Variants in ME3 observed in about 807,000 individuals in gnomAD.
The protein encoded by ME3 is malic enzyme 3, also known as NADP-dependent malic enzyme, mitochondrial.
ME3 carries 48 observed loss-of-function variants against 68.9 expected under a neutral mutation model. That is an observed-to-expected ratio of 0.70 (90% CI 0.55 to 0.89). The LOEUF (loss-of-function observed/expected upper bound fraction) is 0.89. Ranked by LOEUF, ME3 falls within the 40% of genes least tolerant of loss-of-function variation. The pLI is 0.00. For missense variants in ME3, 675 were observed against 797.4 expected, an observed-to-expected ratio of 0.85 and a Z score of 1.85; for synonymous variants, 320 against 318.8, an observed-to-expected ratio of 1.00 and a Z score of -0.04.
chr11:86,509,627 G>A (rs1053565352), intron 4 of ME3, among the ~76,000 whole-genome samples: 4 of 152,112 alleles, frequency 2.6e-5, no homozygotes, highest in African/African-American at 9.7e-5. Context: ...TAGAGTTGGG[G>A]CTAGAAGAGA....
At chr11:86,618,251 G>A (rs1439088330) in intron 2 of ME3, among the ~76,000 whole-genome samples, 1 of 130,000 alleles carries the variant, frequency 7.7e-6, no homozygotes, top group Non-Finnish European at 1.6e-5. Flanking sequence ...AGTGAGCTGA[G>A]ATTGCGCCAC....
At chr11:86,558,152 CT>C (rs1957024786) in intron 3 of ME3, among the ~76,000 whole-genome samples, 1 of 152,178 alleles carries the variant, frequency 6.6e-6, no homozygotes, top group African/African-American at 2.4e-5. Context: ...CTGGAAATAA[CT>C]GGGGAGAGAA....
chr11:86,486,776 G>T (rs1264989548), intron 7 of ME3, among the ~76,000 whole-genome samples: 1 of 152,216 alleles, frequency 6.6e-6, no homozygotes, highest in Non-Finnish European at 1.5e-5. Flanking sequence ...TGGCCACGAT[G>T]GCAGACAGAT....
chr11:86,455,182 C>A (rs1949845255), intron 8 of ME3, among the ~76,000 whole-genome samples: 1 of 151,344 alleles, frequency 6.6e-6, no homozygotes, highest in African/African-American at 2.4e-5. Flanking sequence ...ACAGTGTGCA[C>A]CCTCTGAGGG....
intron 5 of ME3, among the ~76,000 whole-genome samples, chr11:86,500,196 C>T (rs1180349627): frequency 6.6e-6 from 1 of 152,228 alleles, no homozygotes; most frequent in Non-Finnish European, 1.5e-5. Context: ...CTAATTAGAG[C>T]TTCCTTATTA....
At chr11:86,569,464 G>A (rs149696897) in intron 2 of ME3, among the ~76,000 whole-genome samples, 2 of 152,140 alleles carry the variant, frequency 1.3e-5, no homozygotes, top group Non-Finnish European at 2.9e-5. Flanking sequence ...ATTCCACACA[G>A]CTCTCCCCCT....
At chr11:86,668,535 A>G (rs1946717890) in intron 2 of ME3, among the ~76,000 whole-genome samples, 1 of 152,190 alleles carries the variant, frequency 6.6e-6, no homozygotes, top group African/African-American at 2.4e-5. Flanking sequence ...AATCATCCTC[A>G]TTATCACCTA....
intron 7 of ME3, among the ~76,000 whole-genome samples, chr11:86,485,712 A>G (rs143651718): frequency 3.2e-4 from 49 of 152,192 alleles, no homozygotes; most frequent in African/African-American, 9.9e-4. Context: ...CCTAGAGCTC[A>G]TGATACAATT....
intron 2 of ME3, among the ~76,000 whole-genome samples, chr11:86,560,152 T>C (rs1367952541): frequency 6.6e-6 from 1 of 152,206 alleles, no homozygotes; most frequent in East Asian, 1.9e-4. Flanking sequence ...TCATCTTGAA[T>C]TGTAATCCAA....
intron 2 of ME3, among the ~76,000 whole-genome samples, chr11:86,602,681 A>G (rs961961098): frequency 2.0e-5 from 3 of 152,240 alleles, no homozygotes; most frequent in Non-Finnish European, 2.9e-5. Flanking sequence ...AGCTGGAGGC[A>G]TCACACTACC....
At chr11:86,601,327 C>G (rs1339549091) in intron 2 of ME3, among the ~76,000 whole-genome samples, 3 of 152,226 alleles carry the variant, frequency 2.0e-5, no homozygotes, top group African/African-American at 7.2e-5. Flanking sequence ...ACAAACACCT[C>G]TACGCAAATA....
intron 4 of ME3, among the ~76,000 whole-genome samples, chr11:86,528,779 G>T (rs1267401018): frequency 6.6e-6 from 1 of 151,852 alleles, no homozygotes; most frequent in East Asian, 1.9e-4. Context: ...CAAAATGAAG[G>T]CAGAAATAAA....
At chr11:86,606,768 T>C (rs556714820) in intron 2 of ME3, among the ~76,000 whole-genome samples, 3 of 152,302 alleles carry the variant, frequency 2.0e-5, no homozygotes, top group African/African-American at 7.2e-5. Flanking sequence ...GTTGGTTGAT[T>C]GGTATTGATT....
At chr11:86,499,353 T>C (rs1952570156) in intron 5 of ME3, among the ~76,000 whole-genome samples, 1 of 152,154 alleles carries the variant, frequency 6.6e-6, no homozygotes, top group Non-Finnish European at 1.5e-5. Flanking sequence ...TAGGCCACTC[T>C]CACCTGCTCA....
chr11:86,636,007 G>A (rs1408907005), intron 2 of ME3, among the ~76,000 whole-genome samples: 2 of 152,180 alleles, frequency 1.3e-5, no homozygotes, highest in Non-Finnish European at 2.9e-5. Context: ...ATCCTGGGAA[G>A]CTTTGGGCTA....
intron 2 of ME3, among the ~76,000 whole-genome samples, chr11:86,636,002 G>T (rs1242609671): frequency 6.6e-6 from 1 of 152,132 alleles, no homozygotes; most frequent in African/African-American, 2.4e-5. Context: ...CCCGTATCCT[G>T]GGAAGCTTTG....
At chr11:86,482,798 C>A (rs1565840700) in intron 7 of ME3, among the ~76,000 whole-genome samples, 1 of 151,986 alleles carries the variant, frequency 6.6e-6, no homozygotes, top group Non-Finnish European at 1.5e-5. Context: ...AACAGAGGAG[C>A]CCAACCTTTC....
intron 5 of ME3, among the ~76,000 whole-genome samples, chr11:86,506,754 C>T (rs1339304749): frequency 1.3e-5 from 2 of 152,148 alleles, no homozygotes; most frequent in African/African-American, 2.4e-5. Flanking sequence ...CAAGTTTTCC[C>T]CATGGTTGAA....
At chr11:86,511,938 G>T (rs1302216064) in intron 4 of ME3, among the ~76,000 whole-genome samples, 1 of 151,602 alleles carries the variant, frequency 6.6e-6, no homozygotes, top group Non-Finnish European at 1.5e-5. Flanking sequence ...GGTGGACTCA[G>T]TGCGCAAGAA....
Sources: gnomAD v4.1 joint callset for allele counts (sites outside exome capture counted in the v4.1 genomes callset) on GRCh38, gnomAD v4.1.1 for gene constraint, MANE v1.5 for transcripts, NCBI Gene and HGNC (gene_info 2026-07-23, HGNC 2026-07-21) for gene names.